The following SLC26A7 variants were observed in gnomAD, a reference collection of about 807,000 sequenced individuals.
The protein encoded by SLC26A7 is solute carrier family 26 member 7, also known as anion exchange transporter.
A neutral mutation model predicts 82.5 loss-of-function variants in SLC26A7; 59 were observed. The observed-to-expected ratio is 0.72, with a 90% confidence interval of 0.58 to 0.89. The LOEUF is 0.89. Among genes scored for constraint, SLC26A7 ranks in the 40% least tolerant of loss-of-function variants. The probability of loss-of-function intolerance (pLI) is 0.00; values close to 1 mark genes in which losing one functional copy is unlikely to be tolerated. For missense variants in SLC26A7, 820 were observed against 793.0 expected, an observed-to-expected ratio of 1.03 and a Z score of -0.41; for synonymous variants, 271 against 274.3, an observed-to-expected ratio of 0.99 and a Z score of 0.12.
At chr8:91,389,079 G>T (rs1408336035) in intron 15 of SLC26A7, among the ~76,000 whole-genome samples, 2 of 152,152 alleles carry the variant, frequency 1.3e-5, no homozygotes, top group African/African-American at 4.8e-5. Flanking sequence ...GTTTGTCCAT[G>T]TATGAAATGA....
At position 91,327,045 on chromosome 8, in the gene SLC26A7, C is replaced by G. The variant is rs186475076; in HGVS notation, c.643-7250C>G. ...TGGTCGATCCTTTACTTAATTACAT[C>G]TGCAAAGACCTTATTTTTCCATATA... On this transcript the variant is annotated intron_variant, in intron 5 of 18. Transcript: ENST00000276609. Among the ~76,000 whole-genome samples, 1,004 of 152,276 alleles carry G rather than the reference C, an allele frequency of 6.6e-3. 4 individuals are homozygous for G. The highest frequency in any genetic ancestry group is 0.011 in the Non-Finnish European group (771 of 68,020).
intron 2 of SLC26A7, among the ~76,000 whole-genome samples, chr8:91,268,279 A>C (rs1398722000): frequency 6.6e-6 from 1 of 151,716 alleles, no homozygotes; most frequent in Admixed American, 6.6e-5. Flanking sequence ...CTCCCTTTAG[A>C]TTTATTAATA....
intron 4 of SLC26A7, among the ~76,000 whole-genome samples, chr8:91,296,289 T>A (rs1316077182): frequency 6.6e-6 from 1 of 152,196 alleles, no homozygotes; most frequent in Admixed American, 6.5e-5. Context: ...TTCTAATCAG[T>A]CGTCAAAATT....
intron 9 of SLC26A7, among the ~76,000 whole-genome samples, chr8:91,347,879 CA>C (rs1322791758): frequency 2.0e-5 from 3 of 152,238 alleles, no homozygotes; most frequent in Admixed American, 6.5e-5. Flanking sequence ...ACAAATAGCA[CA>C]AAAAAATTAC....
At chr8:91,332,581 G>A (rs1261935555) in intron 5 of SLC26A7, among the ~76,000 whole-genome samples, 2 of 150,322 alleles carry the variant, frequency 1.3e-5, no homozygotes, top group Non-Finnish European at 3.0e-5. Context: ...AGGCTGGAGT[G>A]TAGTGGTGCA....
chr8:91,279,771 G>A (rs1811518703), intron 2 of SLC26A7, among the ~76,000 whole-genome samples: 1 of 152,078 alleles, frequency 6.6e-6, no homozygotes, highest in Admixed American at 6.6e-5. Context: ...GTGTTAGCCA[G>A]GATGGTCTCG....
rs942678159 is a variant in SLC26A7 at position 91,361,707 on chromosome 8, C to G, written c.1315-646C>G. Among the ~76,000 whole-genome samples, 4 of 152,038 alleles carry G rather than the reference C, an allele frequency of 2.6e-5. No homozygotes were observed. In the East Asian group the frequency reaches 7.7e-4, roughly 29 times the overall value. ...ACAAAACTGCAATAACTTTGGTATT[C>G]CAACTAGAAGACAATTAGAGCTTCG... On this transcript the variant is annotated intron_variant, in intron 11 of 18. Coordinates refer to ENST00000276609, the MANE Select transcript of SLC26A7 (RefSeq NM_052832.4).
intron 2 of SLC26A7, among the ~76,000 whole-genome samples, chr8:91,259,013 C>A (rs934052721): frequency 1.1e-4 from 17 of 152,222 alleles, no homozygotes; most frequent in Middle Eastern, 3.4e-3. Flanking sequence ...TGGCCTCTCT[C>A]ACTTTCCTTA....
intron 16 of SLC26A7, among the ~76,000 whole-genome samples, chr8:91,391,750 T>C (rs1563716499): frequency 6.6e-6 from 1 of 152,106 alleles, no homozygotes; most frequent in African/African-American, 2.4e-5. Flanking sequence ...TAAACACCCA[T>C]AGGTGATTCT....
At chr8:91,244,915 A>G (rs1399871337), upstream of SLC26A7, among the ~76,000 whole-genome samples, 2 of 152,226 alleles carry the variant, frequency 1.3e-5, no homozygotes, top group Admixed American at 1.3e-4. Flanking sequence ...GCAGAAAGAA[A>G]AAAACACACT....
At chr8:91,255,716 T>G (rs1027865873) in intron 2 of SLC26A7, among the ~76,000 whole-genome samples, 16 of 152,138 alleles carry the variant, frequency 1.1e-4, no homozygotes, top group Non-Finnish European at 2.9e-5. Context: ...TTTTGACTCC[T>G]GTTTTATTTT....
chr8:91,211,601 T>TAC (rs1256475915), intron 1 of SLC26A7, among the ~76,000 whole-genome samples: 1 of 138,440 alleles, frequency 7.2e-6, no homozygotes, highest in East Asian at 2.0e-4. Flanking sequence ...TACAAATATA[T>TAC]ATATATATAT....
At chr8:91,337,763 G>T (rs1489742046) in intron 6 of SLC26A7, among the ~76,000 whole-genome samples, 2 of 152,196 alleles carry the variant, frequency 1.3e-5, no homozygotes, top group Non-Finnish European at 2.9e-5. Context: ...GTCATGGAGA[G>T]AAAATGTGCT....
At chr8:91,239,272 AG>A (rs1403994983) in intron 2 of SLC26A7, among the ~76,000 whole-genome samples, 4 of 150,132 alleles carry the variant, frequency 2.7e-5, no homozygotes, top group African/African-American at 9.8e-5. Flanking sequence ...TTTGAGGCTG[AG>A]GCAGGAGAAT....
chr8:91,324,613 C>T (rs1812884985), intron 5 of SLC26A7, among the ~76,000 whole-genome samples: 1 of 152,170 alleles, frequency 6.6e-6, no homozygotes, highest in South Asian at 2.1e-4. Flanking sequence ...ATTGAGGATA[C>T]AGTTGAACAA....
chr8:91,265,362 C>G (rs1811082858), intron 2 of SLC26A7, among the ~76,000 whole-genome samples: 1 of 152,058 alleles, frequency 6.6e-6, no homozygotes, highest in African/African-American at 2.4e-5. Context: ...ATGCAGATCT[C>G]TCTTCAACAT....
chr8:91,374,425 A>G (rs1044460516), intron 15 of SLC26A7, among the ~76,000 whole-genome samples: 1 of 150,826 alleles, frequency 6.6e-6, no homozygotes, highest in Non-Finnish European at 1.5e-5. Context: ...GTTATGTTGT[A>G]TCTCTATACT....
intron 2 of SLC26A7, among the ~76,000 whole-genome samples, chr8:91,285,261 G>A (rs574853140): frequency 2.5e-4 from 38 of 152,212 alleles, no homozygotes; most frequent in African/African-American, 7.9e-4. Context: ...TGCCTTCATC[G>A]TCATGTGGCG....
upstream of SLC26A7, among the ~76,000 whole-genome samples, chr8:91,245,766 G>A (rs1167405705): frequency 6.6e-6 from 1 of 152,066 alleles, no homozygotes; most frequent in Admixed American, 6.6e-5. Context: ...CATTAAATGT[G>A]ATTCAGTTTA....
Sources: allele counts gnomAD v4.1 joint callset (sites outside exome capture counted in the v4.1 genomes callset), GRCh38; gene constraint gnomAD v4.1.1; transcripts MANE v1.5; gene names NCBI Gene and HGNC (gene_info 2026-07-23, HGNC 2026-07-21).